PTER: variants seen among roughly 807,000 people sequenced by gnomAD.
The protein encoded by PTER is N-acetyltaurine hydrolase.
A neutral mutation model predicts 29.6 loss-of-function variants in PTER; 38 were observed. The observed-to-expected ratio is 1.28, with a 90% CI of 0.99 to 1.68. PTER has a LOEUF of 1.68. Among genes scored for constraint, PTER ranks in the 40% most tolerant of loss-of-function variants. PTER has a pLI of 0.00. For missense variants in PTER, 482 were observed against 427.8 expected, an observed-to-expected ratio of 1.13 and a Z score of -1.12; for synonymous variants, 172 against 154.5, an observed-to-expected ratio of 1.11 and a Z score of -0.84.
At chr10:16,471,224 A>G (rs968428518) in intron 1 of PTER, among the ~76,000 whole-genome samples, 3 of 152,236 alleles carry the variant, frequency 2.0e-5, no homozygotes, top group Non-Finnish European at 4.4e-5. Flanking sequence ...AAGACAGGCA[A>G]TTAGCAACTT....
chr10:16,504,882 A>G lies in PTER; in HGVS notation c.699-138A>G, dbSNP rs1189118248. ...TTACTGTTTTATACTCACATCATTAAGAGCCATTTCAGAAGTGTCTGTTAC... is the reference window on the plus strand; with the variant it reads ...TTACTGTTTTATACTCACATCATTAGGAGCCATTTCAGAAGTGTCTGTTAC... On this transcript the variant is annotated intron_variant, in intron 3 of 4. Transcript: ENST00000535784. 3 of 876,834 alleles carry G rather than the reference A, an allele frequency of 3.4e-6. No individual in the cohort carries two copies. The African/African-American group carries it at 5.0e-5, about 15-fold the overall frequency. The allele number at this position is 876,834 out of a possible 1,614,324, so 54.3% of individuals were successfully genotyped here. A position where few individuals can be genotyped will look rare whatever the true frequency, so the allele number is the denominator to read the frequency against.
At chr10:16,451,532 A>G (rs1834207356) in intron 1 of PTER, among the ~76,000 whole-genome samples, 1 of 152,124 alleles carries the variant, frequency 6.6e-6, no homozygotes, top group African/African-American at 2.4e-5. Context: ...AACATTACTA[A>G]ACCCTGTCTC....
chr10:16,466,828 A>G (rs1016433154), intron 1 of PTER, among the ~76,000 whole-genome samples: 4 of 152,252 alleles, frequency 2.6e-5, no homozygotes, highest in African/African-American at 9.6e-5. Flanking sequence ...CTGTGATTCA[A>G]AGTTTATTTA....
intron 1 of PTER, among the ~76,000 whole-genome samples, chr10:16,457,525 T>G (rs960668852): frequency 6.6e-6 from 1 of 151,988 alleles, no homozygotes; most frequent in African/African-American, 2.4e-5. Context: ...TTTAGTTGAT[T>G]ATTAAGCATT....
chr10:16,476,753 A>G (rs1477217430), intron 1 of PTER, among the ~76,000 whole-genome samples: 1 of 151,046 alleles, frequency 6.6e-6, no homozygotes, highest in East Asian at 2.0e-4. Flanking sequence ...TGTAGAGACA[A>G]GGTGTTGCTA....
intron 1 of PTER, among the ~76,000 whole-genome samples, chr10:16,443,542 C>T (rs2133358860): frequency 6.6e-6 from 1 of 152,312 alleles, no homozygotes; most frequent in Admixed American, 6.5e-5. Flanking sequence ...AGAATCTCCT[C>T]AGTTCAGGAA....
intron 1 of PTER, among the ~76,000 whole-genome samples, chr10:16,462,806 A>G (rs991274025): frequency 1.3e-5 from 2 of 151,554 alleles, no homozygotes; most frequent in Non-Finnish European, 2.9e-5. Context: ...CCTGGCCTCA[A>G]GTGATCCACC....
chr10:16,489,253 C>G (rs928204310), intron 3 of PTER, among the ~76,000 whole-genome samples: 1 of 152,048 alleles, frequency 6.6e-6, no homozygotes, highest in Non-Finnish European at 1.5e-5. Context: ...TTTCTGTTAC[C>G]TATTAAGTTC....
chr10:16,486,826 T>G, intron 3 of PTER: 2 of 552,196 alleles, frequency 3.6e-6, no homozygotes, highest in East Asian at 5.9e-5. Context: ...TCAGATAGTG[T>G]CCTAGGTATT....
intron 3 of PTER, among the ~76,000 whole-genome samples, chr10:16,498,237 G>A (rs1000397674): frequency 4.6e-5 from 7 of 152,142 alleles, no homozygotes; most frequent in South Asian, 2.1e-4. Context: ...GAAAAATACC[G>A]ACCTTAAAAG....
intron 1 of PTER, among the ~76,000 whole-genome samples, chr10:16,473,168 A>G (rs1054115327): frequency 3.9e-5 from 6 of 152,126 alleles, no homozygotes; most frequent in Non-Finnish European, 8.8e-5. Context: ...ATTCGGCTCA[A>G]ATGAGTCTCA....
At chr10:16,473,019 C>CAA (rs375172424) in intron 1 of PTER, among the ~76,000 whole-genome samples, 66 of 135,080 alleles carry the variant, frequency 4.9e-4, no homozygotes, top group Middle Eastern at 3.9e-3. Context: ...AAACTTCAAC[C>CAA]AAAAAAAAAA....
intron 3 of PTER, among the ~76,000 whole-genome samples, chr10:16,502,839 A>G (rs955194851): frequency 6.6e-6 from 1 of 151,698 alleles, no homozygotes; most frequent in Non-Finnish European, 1.5e-5. Flanking sequence ...AAATACAACA[A>G]TTAGCCGGGA....
intron 1 of PTER, among the ~76,000 whole-genome samples, chr10:16,447,655 G>A (rs529976007): frequency 6.6e-6 from 1 of 152,260 alleles, no homozygotes; most frequent in South Asian, 2.1e-4. Context: ...CGAAAGCTTT[G>A]TAAGTGGCTA....
chr10:16,490,432 A>C (rs866528763), intron 3 of PTER, among the ~76,000 whole-genome samples: 2 of 152,000 alleles, frequency 1.3e-5, no homozygotes, highest in African/African-American at 4.8e-5. Context: ...GTAGCCCTTT[A>C]TATGTCTCCA....
chr10:16,478,329 G>T (rs10795399), intron 1 of PTER, among the ~76,000 whole-genome samples: 2 of 141,230 alleles, frequency 1.4e-5, no homozygotes, highest in African/African-American at 2.7e-5. Context: ...TTCCTCCCTC[G>T]TTTCCGTTTT....
intron 3 of PTER, among the ~76,000 whole-genome samples, chr10:16,500,713 TC>T (rs1836304037): frequency 6.6e-6 from 1 of 152,044 alleles, no homozygotes; most frequent in Admixed American, 6.6e-5. Flanking sequence ...GTCCCTACAG[TC>T]CCTATTCATC....
chr10:16,458,462 C>T (rs1268628140), intron 1 of PTER, among the ~76,000 whole-genome samples: 2 of 152,150 alleles, frequency 1.3e-5, no homozygotes, highest in Admixed American at 1.3e-4. Flanking sequence ...CAGGGACTTG[C>T]ATTATGAAGC....
chr10:16,514,674 G>GGGC, downstream of PTER: 1 of 1,613,708 alleles, frequency 6.2e-7, no homozygotes. Context: ...TCGTAATTCT[G>GGGC]ATCAGCATCT....
Sources: allele counts gnomAD v4.1 joint callset (sites outside exome capture counted in the v4.1 genomes callset), GRCh38; gene constraint gnomAD v4.1.1; transcripts MANE v1.5; gene names NCBI Gene and HGNC (gene_info 2026-07-23, HGNC 2026-07-21).